VTI1A: variants seen among roughly 807,000 people sequenced by gnomAD.
The protein encoded by VTI1A is vesicle transport through interaction with t-SNAREs 1A.
Under a neutral mutation model 34.9 loss-of-function variants are expected in VTI1A, and 22 were observed. The observed-to-expected ratio is 0.63, with a 90% CI of 0.45 to 0.90. The LOEUF is 0.90. VTI1A is among the 40% of genes least tolerant of loss of function. The probability of loss-of-function intolerance (pLI) is 0.00; values close to 1 mark genes in which losing one functional copy is unlikely to be tolerated. For synonymous variants in VTI1A, 87 were observed against 97.3 expected (o/e 0.89, Z 0.62); for missense variants, 268 against 275.6 (o/e 0.97, Z 0.20).
intron 5 of VTI1A, among the ~76,000 whole-genome samples, chr10:112,664,963 A>C (rs1009592025): frequency 6.6e-6 from 1 of 152,208 alleles, no homozygotes; most frequent in Non-Finnish European, 1.5e-5. Flanking sequence ...CGCAGTCAAC[A>C]AGTATAATAT....
intron 3 of VTI1A, among the ~76,000 whole-genome samples, chr10:112,489,875 T>C (rs997002569): frequency 1.2e-4 from 18 of 152,200 alleles, no homozygotes; most frequent in Non-Finnish European, 2.2e-4. Flanking sequence ...TTTGCCTTTT[T>C]AATCCCATTT....
At chr10:112,571,666 A>G (rs1218648339) in intron 5 of VTI1A, among the ~76,000 whole-genome samples, 1 of 152,152 alleles carries the variant, frequency 6.6e-6, no homozygotes, top group Non-Finnish European at 1.5e-5. Context: ...AAATCATTCT[A>G]CCAAAAGGTA....
intron 5 of VTI1A, among the ~76,000 whole-genome samples, chr10:112,649,395 A>G (rs771033705): frequency 7.9e-5 from 12 of 152,146 alleles, no homozygotes; most frequent in Non-Finnish European, 1.5e-5. Context: ...CAATAATTTG[A>G]AGTGTGGCTT....
intron 5 of VTI1A, among the ~76,000 whole-genome samples, chr10:112,554,110 C>T (rs17129858): frequency 0.036 from 5,550 of 152,254 alleles, 364 homozygotes; most frequent in East Asian, 0.27. Context: ...GCTTTCTTTT[C>T]TACTAGACAT....
intron 3 of VTI1A, among the ~76,000 whole-genome samples, chr10:112,524,679 A>C (rs1187814964): frequency 6.6e-6 from 1 of 152,186 alleles, no homozygotes; most frequent in African/African-American, 2.4e-5. Flanking sequence ...GAAGTATAGT[A>C]AATCAAAATA....
chr10:112,591,932 T>C (rs1209242805), intron 5 of VTI1A, among the ~76,000 whole-genome samples: 1 of 152,174 alleles, frequency 6.6e-6, no homozygotes, highest in Non-Finnish European at 1.5e-5. Flanking sequence ...CTTTCTGTGT[T>C]GGAGGCAGAA....
intron 1 of VTI1A, among the ~76,000 whole-genome samples, chr10:112,457,990 A>G (rs1847597207): frequency 6.6e-6 from 1 of 152,140 alleles, no homozygotes. Flanking sequence ...GAGTAATTTC[A>G]GTGGAATGGT....
intron 5 of VTI1A, among the ~76,000 whole-genome samples, chr10:112,599,466 A>T (rs577132548): frequency 6.6e-6 from 1 of 152,160 alleles, no homozygotes; most frequent in Non-Finnish European, 1.5e-5. Context: ...ATTAGGACAA[A>T]ACAGTCCATG....
Position 112,538,318 on chromosome 10 carries a change from G to C in VTI1A, c.415G>C (p.Ala139Pro). Residue 139 changes from alanine (A) to proline (P), a missense_variant, in exon 5 of 8, where the codon GCA becomes CCA. Transcript: ENST00000393077. ...SRRLEAGYQI[A>P]VETEQIGQEM... is the part of the protein sequence containing the mutation. ...GAGACTAGAGGCTGGATACCAAATA[G>C]CAGTGGAAACCGGTAAGAATTCTGA... The C allele has an allele frequency of 1.2e-6, 2 of 1,613,626 alleles. No individual in the cohort carries two copies. Among genetic ancestry groups the C allele is most frequent in the African/African-American group, 2.7e-5 (2 of 74,914 alleles).
intron 5 of VTI1A, among the ~76,000 whole-genome samples, chr10:112,624,599 G>A (rs1206554183): frequency 6.6e-6 from 1 of 151,924 alleles, no homozygotes; most frequent in African/African-American, 2.4e-5. Context: ...TGAAATACGA[G>A]TATAACAGAA....
intron 4 of VTI1A, among the ~76,000 whole-genome samples, chr10:112,528,940 A>G (rs1253903619): frequency 2.6e-5 from 4 of 152,128 alleles, no homozygotes; most frequent in African/African-American, 7.2e-5. Flanking sequence ...TTGCGTACAT[A>G]TAAGTATGAT....
the VTI1A span, among the ~76,000 whole-genome samples, chr10:112,839,383 C>T: frequency 0.018 from 2,810 of 152,158 alleles, 59 homozygotes; most frequent in East Asian, 0.11. Flanking sequence ...AGCTGAGTCC[C>T]GAAAAATGCT....
intron 5 of VTI1A, among the ~76,000 whole-genome samples, chr10:112,573,972 A>G (rs1841486067): frequency 6.6e-6 from 1 of 152,302 alleles, no homozygotes; most frequent in East Asian, 1.9e-4. Context: ...GTACATTGTT[A>G]AAAGGTTAGG....
intron 2 of VTI1A, among the ~76,000 whole-genome samples, chr10:112,461,942 G>C (rs564750891): frequency 2.0e-5 from 3 of 152,110 alleles, no homozygotes; most frequent in Non-Finnish European, 2.9e-5. Context: ...TCTTGAACTC[G>C]TGCCCTCAAG....
intron 5 of VTI1A, among the ~76,000 whole-genome samples, chr10:112,595,424 C>T (rs1374326144): frequency 1.3e-5 from 2 of 151,518 alleles, no homozygotes. Context: ...TGACAAAGGG[C>T]TAATATCCAG....
chr10:112,779,600 GCT>G (rs2134035232), intron 7 of VTI1A, among the ~76,000 whole-genome samples: 1 of 152,262 alleles, frequency 6.6e-6, no homozygotes, highest in Admixed American at 6.5e-5. Context: ...GAATGTCTTT[GCT>G]CTGTTAGCAC....
chr10:112,832,152 C>T, the VTI1A span: 1 of 152,248 alleles, frequency 6.6e-6, no homozygotes, highest in Non-Finnish European at 1.5e-5. Context: ...CCCGCCGAGT[C>T]TGCGGCAGAG....
the VTI1A span, among the ~76,000 whole-genome samples, chr10:112,840,598 C>G: frequency 6.6e-6 from 1 of 152,226 alleles, no homozygotes; most frequent in Non-Finnish European, 1.5e-5. Context: ...GGTTCTGTCC[C>G]TACCCATTGA....
the VTI1A span, among the ~76,000 whole-genome samples, chr10:112,847,795 A>G: frequency 3.3e-5 from 5 of 152,102 alleles, no homozygotes; most frequent in African/African-American, 9.7e-5. Flanking sequence ...TACAAACCCT[A>G]TGCTTTTGTG....
Sources: allele counts gnomAD v4.1 joint callset (sites outside exome capture counted in the v4.1 genomes callset), GRCh38; gene constraint gnomAD v4.1.1; transcripts MANE v1.5; gene names NCBI Gene and HGNC (gene_info 2026-07-23, HGNC 2026-07-21).